LAMA1: variants seen among roughly 807,000 people sequenced by gnomAD.
LAMA1 encodes laminin subunit alpha-1.
Under a neutral mutation model 348.7 loss-of-function variants are expected in LAMA1, and 219 were observed. The observed-to-expected ratio is 0.63, with a 90% CI of 0.56 to 0.70. The LOEUF is 0.70. LAMA1 is among the 30% of genes least tolerant of loss of function. The pLI is 0.00. For missense variants in LAMA1, 3,744 were observed against 3,888.0 expected, an observed-to-expected ratio of 0.96 and a Z score of 0.99; for synonymous variants, 1,487 against 1,491.0, an observed-to-expected ratio of 1.00 and a Z score of 0.06.
intron 48 of LAMA1, among the ~76,000 whole-genome samples, chr18:6,969,971 C>A: frequency 6.6e-6 from 1 of 152,130 alleles, no homozygotes; most frequent in East Asian, 1.9e-4. Context: ...AGTAGGGGGA[C>A]TTTTTCATAC....
intron 1 of LAMA1, among the ~76,000 whole-genome samples, chr18:7,110,874 G>A (rs34362215): frequency 2.5e-3 from 207 of 83,814 alleles, no homozygotes; most frequent in South Asian, 4.4e-3. Context: ...TGTGGTGTGA[G>A]GGTTTTTTTT....
chr18:6,975,107 A>G lies in LAMA1; in HGVS notation c.6490-71T>C, dbSNP rs2057675938. Reference sequence around the variant, plus strand: ...TTTGCTGACCACCACAACACTTTACAGAGTCAATTCTTACGGGGTTTTCTC... The same window carrying G: ...TTTGCTGACCACCACAACACTTTACGGAGTCAATTCTTACGGGGTTTTCTC... On this transcript the variant is annotated intron_variant, in intron 45 of 62. Transcript: ENST00000389658. 3.3e-6 allele frequency: 5 copies of G among 1,534,728 alleles called. No homozygotes were observed. In the Admixed American group the frequency reaches 7.6e-5, roughly 23 times the overall value.
Position 7,050,510 on chromosome 18 carries a change from G to T in LAMA1, c.588+184C>A, listed in dbSNP as rs370174191. Among the ~76,000 whole-genome samples, 282 of 152,312 alleles carry T rather than the reference G, an allele frequency of 1.9e-3. 2 individuals are homozygous for T. The highest frequency in any genetic ancestry group is 6.4e-3 in the African/African-American group (264 of 41,554). ...AGACTGAGAGCCTCCTTGAAGAGAG[G>T]AAGTCAACAAGGTAAACCATATTGT... On this transcript the variant is annotated intron_variant, in intron 4 of 62. Transcript: ENST00000389658.
At chr18:6,942,581 T>G (rs960382299) in intron 62 of LAMA1, among the ~76,000 whole-genome samples, 9 of 151,966 alleles carry the variant, frequency 5.9e-5, no homozygotes, top group Non-Finnish European at 1.2e-4. Context: ...GTCCAGCTTA[T>G]TTTTGTATTT....
At chr18:7,067,666 T>C (rs2058128376) in intron 3 of LAMA1, among the ~76,000 whole-genome samples, 1 of 152,084 alleles carries the variant, frequency 6.6e-6, no homozygotes, top group Admixed American at 6.5e-5. Flanking sequence ...TGCATTTCAC[T>C]ATATGTCAAT....
intron 26 of LAMA1, 129 bp downstream of exon 26, chr18:7,010,071 T>C: frequency 2.0e-6 from 2 of 1,019,642 alleles, no homozygotes; most frequent in East Asian, 2.5e-5. Context: ...CTTCTCAAAG[T>C]GGTGGGATTA....
At chr18:6,945,038 C>T (rs1308429170) in intron 61 of LAMA1, among the ~76,000 whole-genome samples, 1 of 151,984 alleles carries the variant, frequency 6.6e-6, no homozygotes, top group Non-Finnish European at 1.5e-5. Context: ...GATTGCATTC[C>T]TAATTTTTTA....
Position 6,956,422 on chromosome 18 carries a change from G to C in LAMA1, c.8094+214C>G, listed in dbSNP as rs531146175. On this transcript the variant is annotated intron_variant, in intron 56 of 62. Coordinates refer to ENST00000389658, the MANE Select transcript of LAMA1 (RefSeq NM_005559.4). ...GCCCAATGCGCGGCCTGGGTGTTGG[G>C]GCCTACAATCTATGGATTGGGCCGT... 5.4e-6 allele frequency: 4 copies of C among 741,616 alleles called. No homozygotes were observed. In the East Asian group the frequency reaches 1.1e-4, roughly 20 times the overall value. The allele number at this position is 741,616 out of a possible 1,614,324, so 45.9% of individuals were successfully genotyped here. A position where few individuals can be genotyped will look rare whatever the true frequency, so the allele number is the denominator to read the frequency against.
At chr18:7,097,324 A>C (rs989571894) in intron 1 of LAMA1, among the ~76,000 whole-genome samples, 10 of 152,212 alleles carry the variant, frequency 6.6e-5, no homozygotes, top group Non-Finnish European at 1.3e-4. Context: ...AATTCAATGA[A>C]AGAAATGTTA....
chr18:6,964,360 G>A (rs1046627498), intron 51 of LAMA1, among the ~76,000 whole-genome samples: 2 of 152,142 alleles, frequency 1.3e-5, no homozygotes, highest in African/African-American at 4.8e-5. Context: ...AGGTCATTAG[G>A]GGAAGTCCTT....
chr18:7,061,976 G>T (rs1001091202), intron 3 of LAMA1, among the ~76,000 whole-genome samples: 1 of 152,204 alleles, frequency 6.6e-6, no homozygotes. Flanking sequence ...GAGGACAGGT[G>T]GGGGAGGGGT....
chr18:7,107,460 TTCAAAAAC>T (rs1467485975), intron 1 of LAMA1, among the ~76,000 whole-genome samples: 41 of 152,170 alleles, frequency 2.7e-4, no homozygotes, highest in African/African-American at 9.2e-4. Flanking sequence ...TTCCTTGGAC[TTCAAAAAC>T]AAATACACTA....
At chr18:7,031,300 T>C (rs1318291281) in intron 16 of LAMA1, among the ~76,000 whole-genome samples, 1 of 151,978 alleles carries the variant, frequency 6.6e-6, no homozygotes, top group Non-Finnish European at 1.5e-5. Context: ...CTTCAGGGCA[T>C]AGGGCCTAGA....
In LAMA1 at chr18:7,033,050, G is replaced by A. The variant is rs531537646; in HGVS notation, c.2097C>T (p.Asp699=). The change falls in exon 15 of 63, where the codon GAC becomes GAT. Residue 699 remains aspartate (D), a synonymous_variant. Coordinates refer to ENST00000389658, the MANE Select transcript of LAMA1 (RefSeq NM_005559.4). Reference sequence around the variant, plus strand: ...GCTCCACATCAGCGGCCACCACCAGGTCGATGGCATTAGAGCTGGCTATGT... The same window carrying A: ...GCTCCACATCAGCGGCCACCACCAGATCGATGGCATTAGAGCTGGCTATGT... The part of the protein sequence containing the change: ...SLDIASSNAI[D]LVVAADVEHC... The A allele has an allele frequency of 5.6e-6, 9 of 1,612,494 alleles. No homozygotes were observed. The East Asian group carries it at 1.8e-4, about 32-fold the overall frequency.
At position 7,117,789 on chromosome 18, in the gene LAMA1, C is replaced by G; in HGVS notation, c.-69G>C. Reference sequence around the variant, plus strand: ...CGCCCGCCTGGAACGCTCCACGGGACGCGAGTCCGCGCTGCCCTGGCCCCG... The same window carrying G: ...CGCCCGCCTGGAACGCTCCACGGGAGGCGAGTCCGCGCTGCCCTGGCCCCG... On this transcript the variant is annotated 5_prime_UTR_variant, in exon 1 of 63. Coordinates refer to ENST00000389658, the MANE Select transcript of LAMA1 (RefSeq NM_005559.4). The G allele has an allele frequency of 7.2e-7, 1 of 1,384,572 alleles. No homozygotes were observed. Among genetic ancestry groups the G allele is most frequent in the Non-Finnish European group, 9.9e-7 (1 of 1,012,938 alleles). The allele number at this position is 1,384,572 out of a possible 1,614,324, so 85.8% of individuals were successfully genotyped here. A position where few individuals can be genotyped will look rare whatever the true frequency, so the allele number is the denominator to read the frequency against.
At chr18:6,991,181 A>G (rs1392929672) in intron 36 of LAMA1, among the ~76,000 whole-genome samples, 1 of 152,052 alleles carries the variant, frequency 6.6e-6, no homozygotes, top group East Asian at 1.9e-4. Context: ...ATCCAACTGT[A>G]AGCACCTCCT....
intron 3 of LAMA1, among the ~76,000 whole-genome samples, chr18:7,075,935 T>TAA (rs34722026): frequency 1.4e-5 from 2 of 145,268 alleles, no homozygotes; most frequent in Non-Finnish European, 3.0e-5. Context: ...AGGCTCCATT[T>TAA]AAAAAAAAAA....
At chr18:6,986,472 T>A in intron 36 of LAMA1, 125 bp from the exon 37 acceptor site, 1 of 803,142 alleles carries the variant, frequency 1.2e-6, no homozygotes, top group East Asian at 2.7e-5. Context: ...AAGTGATACA[T>A]CATAACTTCT....
intron 20 of LAMA1, 35 bp from the exon 21 acceptor site, chr18:7,016,706 C>T (rs367593061): frequency 9.2e-5 from 144 of 1,571,864 alleles, no homozygotes; most frequent in Middle Eastern, 1.7e-4. Context: ...TGGAAACCAA[C>T]ATACGTTTTA....
Sources: gnomAD v4.1 joint callset for allele counts (sites outside exome capture counted in the v4.1 genomes callset) on GRCh38, gnomAD v4.1.1 for gene constraint, MANE v1.5 for transcripts, NCBI Gene and HGNC (gene_info 2026-07-23, HGNC 2026-07-21) for gene names.